Variants in TPGS2 observed in about 807,000 individuals in gnomAD.
TPGS2 encodes the protein tubulin polyglutamylase complex subunit 2, also known as polyglutamylase subunit 2.
In TPGS2, 26 loss-of-function variants were observed where a neutral mutation model predicts 31.1. The ratio of observed to expected loss-of-function variants is 0.84; its 90% CI spans 0.61 to 1.16. The LOEUF is 1.16. TPGS2 is among the 50% of genes most tolerant of loss of function. The pLI is 0.00. For synonymous variants in TPGS2, 130 were observed against 136.6 expected (o/e 0.95, Z 0.34); for missense variants, 351 against 363.8 (o/e 0.96, Z 0.29).
At chr18:36,797,096 T>C (rs771015993) in intron 6 of TPGS2, 46 bp from the exon 7 acceptor site, 3 of 1,592,274 alleles carry the variant, frequency 1.9e-6, no homozygotes, top group African/African-American at 2.7e-5. Flanking sequence ...AAAGGAAAAA[T>C]GCCATTCTGT....
At chr18:36,785,436 A>G (rs1305666510) in intron 6 of TPGS2, among the ~76,000 whole-genome samples, 2 of 152,230 alleles carry the variant, frequency 1.3e-5, no homozygotes, top group African/African-American at 4.8e-5. Context: ...ACCAATCGGA[A>G]AGGTTCAGAA....
Position 36,828,902 on chromosome 18 carries a change from G to T in TPGS2, c.-135C>A. The T allele has an allele frequency of 8.7e-7, 1 of 1,145,570 alleles. No individual in the cohort carries two copies. The highest frequency in any genetic ancestry group is 1.2e-6 in the Non-Finnish European group (1 of 821,264). 71.0% of individuals were successfully genotyped at this position (1,145,570 alleles called of 1,614,324 possible). A position where few individuals can be genotyped will look rare whatever the true frequency, so the allele number is the denominator to read the frequency against. On this transcript the variant is annotated 5_prime_UTR_variant, in exon 1 of 7. Coordinates refer to ENST00000334295, the MANE Select transcript of TPGS2 (RefSeq NM_015476.4). ...AAAGCGCGGCGCAGTGATGATGGGGGCCCGGGGTTGGTCTGACAGCAGCAG... is the reference window on the plus strand; with the variant it reads ...AAAGCGCGGCGCAGTGATGATGGGGTCCCGGGGTTGGTCTGACAGCAGCAG...
At chr18:36,803,834 T>A (rs979472189) in intron 4 of TPGS2, among the ~76,000 whole-genome samples, 1 of 152,180 alleles carries the variant, frequency 6.6e-6, no homozygotes, top group African/African-American at 2.4e-5. Context: ...TCTCCTTAAG[T>A]ATTCTTGTTC....
chr18:36,798,817 C>T, intron 5 of TPGS2, among the ~76,000 whole-genome samples: 1 of 152,172 alleles, frequency 6.6e-6, no homozygotes, highest in African/African-American at 2.4e-5. Context: ...GATACTCTTA[C>T]AAATTTTTGC....
downstream of TPGS2, among the ~76,000 whole-genome samples, chr18:36,790,438 C>T (rs2044270418): frequency 6.6e-6 from 1 of 152,132 alleles, no homozygotes; most frequent in Non-Finnish European, 1.5e-5. Flanking sequence ...CTACATTTAT[C>T]AAGGATGGTA....
At chr18:36,818,626 T>C (rs1032610929) in intron 2 of TPGS2, 2 of 370,050 alleles carry the variant, frequency 5.4e-6, no homozygotes, top group Non-Finnish European at 9.8e-6. Context: ...TTTTCCTTAA[T>C]TGATTTTTAG....
Position 36,794,945 on chromosome 18 carries a change from G to A in TPGS2, c.*1860C>T, listed in dbSNP as rs189039027. On this transcript the variant is annotated 3_prime_UTR_variant, in exon 7 of 7. Coordinates refer to ENST00000334295, the MANE Select transcript of TPGS2 (RefSeq NM_015476.4). Reference sequence around the variant, plus strand: ...TGGGATTGAAAAGGTAAGAGGTCTCGCTATTTTAAAGCAAATGAAGAAGCT... The same window carrying A: ...TGGGATTGAAAAGGTAAGAGGTCTCACTATTTTAAAGCAAATGAAGAAGCT... The A allele has an allele frequency of 2.0e-5, 20 of 983,764 alleles. No homozygotes were observed. The highest frequency in any genetic ancestry group is 2.3e-4 in the East Asian group (2 of 8,686). 60.9% of individuals were successfully genotyped at this position (983,764 alleles called of 1,614,324 possible). A position where few individuals can be genotyped will look rare whatever the true frequency, so the allele number is the denominator to read the frequency against.
At position 36,794,336 on chromosome 18, in the gene TPGS2, G is replaced by C; in HGVS notation, c.*2469C>G. On this transcript the variant is annotated 3_prime_UTR_variant, in exon 7 of 7. Coordinates refer to ENST00000334295, the MANE Select transcript of TPGS2 (RefSeq NM_015476.4). ...GCTCTTCCCTGCTCACTCCTTCTGA[G>C]GCAGGTCTTGAGCCTTTCCTTATCA... 1 of 985,408 alleles carries C rather than the reference G, an allele frequency of 1.0e-6. No homozygotes were observed. 61.0% of individuals were successfully genotyped at this position (985,408 alleles called of 1,614,324 possible).
At chr18:36,797,141 C>G in intron 6 of TPGS2, 91 bp from the exon 7 acceptor site, 2 of 1,562,330 alleles carry the variant, frequency 1.3e-6, no homozygotes, top group Non-Finnish European at 1.7e-6. Context: ...GAGTTGGGAA[C>G]AGGAGGCAGA....
At chr18:36,781,934 G>T (rs2044026803), downstream of TPGS2, 3 of 984,860 alleles carry the variant, frequency 3.0e-6, no homozygotes, top group Non-Finnish European at 3.6e-6. Flanking sequence ...TTATTGAAAA[G>T]AATACATAGG....
At chr18:36,824,685 C>G (rs1164487471) in intron 1 of TPGS2, among the ~76,000 whole-genome samples, 1 of 152,154 alleles carries the variant, frequency 6.6e-6, no homozygotes, top group Non-Finnish European at 1.5e-5. Flanking sequence ...AATGTCTACC[C>G]TGATCCTTTA....
At position 36,796,548 on chromosome 18, in the gene TPGS2, A is replaced by G; in HGVS notation, c.*257T>C. 1 of 1,284,620 alleles carries G rather than the reference A, an allele frequency of 7.8e-7. No homozygotes were observed. Among genetic ancestry groups the G allele is most frequent in the South Asian group, 2.4e-5 (1 of 41,954 alleles). 79.6% of individuals were successfully genotyped at this position (1,284,620 alleles called of 1,614,324 possible). A position where few individuals can be genotyped will look rare whatever the true frequency, so the allele number is the denominator to read the frequency against. ...AGGGTTGAGTGTTGAAGAAGAGGAA[A>G]GCACTCAGACTTATTTGGGCACTTA... On this transcript the variant is annotated 3_prime_UTR_variant, in exon 7 of 7. Transcript: ENST00000334295.
At chr18:36,821,820 T>C (rs546032988) in intron 1 of TPGS2, among the ~76,000 whole-genome samples, 78 of 152,316 alleles carry the variant, frequency 5.1e-4, no homozygotes, top group African/African-American at 1.8e-3. Context: ...TACTGCAGAC[T>C]GGCTCAATTA....
At chr18:36,804,228 T>C (rs1340148820) in intron 4 of TPGS2, among the ~76,000 whole-genome samples, 1 of 152,228 alleles carries the variant, frequency 6.6e-6, no homozygotes, top group Non-Finnish European at 1.5e-5. Context: ...GACTTAGGTA[T>C]ACTTGTTGTA....
At chr18:36,810,108 T>C (rs1434327945) in intron 2 of TPGS2, among the ~76,000 whole-genome samples, 1 of 152,202 alleles carries the variant, frequency 6.6e-6, no homozygotes, top group African/African-American at 2.4e-5. Flanking sequence ...GTCATTCTAA[T>C]TTAAACGACT....
intron 4 of TPGS2, among the ~76,000 whole-genome samples, chr18:36,804,461 C>T (rs1200809596): frequency 6.6e-6 from 1 of 152,126 alleles, no homozygotes; most frequent in Non-Finnish European, 1.5e-5. Context: ...TTTTTCCTAC[C>T]CCTGGAAATT....
intron 2 of TPGS2, among the ~76,000 whole-genome samples, chr18:36,810,029 A>G (rs1410711205): frequency 6.6e-6 from 1 of 152,242 alleles, no homozygotes; most frequent in Non-Finnish European, 1.5e-5. Flanking sequence ...TTTAACACAC[A>G]TTTCAAATAC....
chr18:36,786,744 C>T, intron 6 of TPGS2: 1 of 1,159,368 alleles, frequency 8.6e-7, no homozygotes, highest in Non-Finnish European at 1.1e-6. Context: ...GTCAGAAACT[C>T]AGTTTCTAAG....
At chr18:36,808,646 A>AC (rs1261682221) in intron 2 of TPGS2, among the ~76,000 whole-genome samples, 4 of 152,140 alleles carry the variant, frequency 2.6e-5, no homozygotes, top group African/African-American at 9.7e-5. Context: ...TCAAAAAAAA[A>AC]ACAAAGTGAA....
Sources: gnomAD v4.1 joint callset for allele counts (sites outside exome capture counted in the v4.1 genomes callset) on GRCh38, gnomAD v4.1.1 for gene constraint, MANE v1.5 for transcripts, NCBI Gene and HGNC (gene_info 2026-07-23, HGNC 2026-07-21) for gene names.